Variants in CCBE1 observed in about 807,000 individuals in gnomAD.
CCBE1 encodes the protein collagen and calcium-binding EGF domain-containing protein 1.
Under a neutral mutation model 50.0 loss-of-function variants are expected in CCBE1, and 37 were observed. The observed-to-expected ratio is 0.74, with a 90% CI of 0.57 to 0.97. The LOEUF (loss-of-function observed/expected upper bound fraction) is 0.97, where lower values mean the gene tolerates loss of function less well. Among genes scored for constraint, CCBE1 ranks in the 50% least tolerant of loss-of-function variants. The pLI, the probability that CCBE1 is intolerant of heterozygous loss-of-function variation, is 0.00. For missense variants in CCBE1, 538 were observed against 523.8 expected (o/e 1.03, Z -0.26); for synonymous variants, 234 against 203.7 (o/e 1.15, Z -1.27).
intron 2 of CCBE1, among the ~76,000 whole-genome samples, chr18:59,501,107 AG>A (rs1271192335): frequency 2.0e-5 from 3 of 152,222 alleles, no homozygotes; most frequent in Non-Finnish European, 4.4e-5. Context: ...TGTCTAGCAA[AG>A]GATAGCTGCT....
intron 7 of CCBE1, among the ~76,000 whole-genome samples, chr18:59,444,402 T>C (rs79944828): frequency 0.14 from 21,114 of 152,078 alleles, 1,576 homozygotes; most frequent in African/African-American, 0.19. Flanking sequence ...CCTCCTGATA[T>C]GTTTAATTTT....
chr18:59,683,431 C>T (rs983368173), intron 2 of CCBE1, among the ~76,000 whole-genome samples: 19 of 152,198 alleles, frequency 1.2e-4, no homozygotes, highest in Admixed American at 1.2e-3. Context: ...CGGGGTGGCT[C>T]ACGCCTGTAA....
chr18:59,588,395 C>T (rs2053209236), intron 2 of CCBE1, among the ~76,000 whole-genome samples: 1 of 152,040 alleles, frequency 6.6e-6, no homozygotes, highest in South Asian at 2.1e-4. Flanking sequence ...GACCCCATCT[C>T]ATTATAAAGA....
At chr18:59,635,651 T>G (rs568304114) in intron 2 of CCBE1, among the ~76,000 whole-genome samples, 1 of 151,928 alleles carries the variant, frequency 6.6e-6, no homozygotes, top group South Asian at 2.1e-4. Context: ...GACATGAAGG[T>G]GATTGTTCAC....
At chr18:59,497,850 G>T (rs994581536) in intron 2 of CCBE1, among the ~76,000 whole-genome samples, 2 of 152,172 alleles carry the variant, frequency 1.3e-5, no homozygotes, top group Non-Finnish European at 2.9e-5. Context: ...ACAGAGAGGG[G>T]TATCTCCCAG....
chr18:59,545,512 G>C (rs1459781314), intron 2 of CCBE1, among the ~76,000 whole-genome samples: 2 of 152,126 alleles, frequency 1.3e-5, no homozygotes, highest in African/African-American at 2.4e-5. Context: ...TCTTATTATG[G>C]CTTCTAAGTA....
At chr18:59,439,446 G>A in intron 9 of CCBE1, 97 bp downstream of exon 9, 1 of 1,441,816 alleles carries the variant, frequency 6.9e-7, no homozygotes, top group Non-Finnish European at 9.7e-7. Context: ...CAGCCTGGGT[G>A]ACAGAGCAAG....
chr18:59,469,354 G>A (rs1049152623), intron 4 of CCBE1, 119 bp downstream of exon 4: 46 of 1,336,654 alleles, frequency 3.4e-5, no homozygotes, highest in Non-Finnish European at 4.4e-5. Context: ...CTATCCCTAG[G>A]ATAATATCAA....
At chr18:59,609,859 A>ATTATC (rs2053547222) in intron 2 of CCBE1, among the ~76,000 whole-genome samples, 1 of 152,244 alleles carries the variant, frequency 6.6e-6, no homozygotes, top group African/African-American at 2.4e-5. Flanking sequence ...TTGGGTAAGT[A>ATTATC]CCAGGGATAA....
intron 2 of CCBE1, among the ~76,000 whole-genome samples, chr18:59,672,307 G>A (rs1025066740): frequency 1.3e-5 from 2 of 152,168 alleles, no homozygotes; most frequent in African/African-American, 2.4e-5. Context: ...TCCCATTCCT[G>A]TGCACAAGCT....
chr18:59,696,411 G>A, intron 2 of CCBE1: 2 of 1,242,370 alleles, frequency 1.6e-6, no homozygotes, highest in Non-Finnish European at 2.2e-6. Context: ...AGGATCTCAG[G>A]GCACACACCC....
chr18:59,454,509 G>T (rs901586843), intron 6 of CCBE1, among the ~76,000 whole-genome samples: 1 of 152,192 alleles, frequency 6.6e-6, no homozygotes, highest in South Asian at 2.1e-4. Context: ...GCCTCCCAAA[G>T]TGCTAGGATT....
intron 2 of CCBE1, among the ~76,000 whole-genome samples, chr18:59,487,989 A>G (rs1043768825): frequency 1.3e-5 from 2 of 152,242 alleles, no homozygotes; most frequent in African/African-American, 4.8e-5. Flanking sequence ...GTACATACAT[A>G]CAATGGAATG....
At chr18:59,677,036 G>T (rs1227338547) in intron 2 of CCBE1, among the ~76,000 whole-genome samples, 2 of 152,354 alleles carry the variant, frequency 1.3e-5, no homozygotes, top group East Asian at 3.9e-4. Context: ...TATGGATTTT[G>T]TTTCCAGAGT....
intron 5 of CCBE1, among the ~76,000 whole-genome samples, chr18:59,457,690 G>T (rs1911262181): frequency 3.9e-5 from 6 of 152,184 alleles, no homozygotes; most frequent in Admixed American, 2.6e-4. Context: ...ACTTCCTGAA[G>T]GTCACCTAGC....
In CCBE1 at chr18:59,450,887, G is replaced by C. The variant is rs1188150042; in HGVS notation, c.655-2784C>G. ...TAATCCTGGGAAGACCCATTTTATAGAGTAGCAGAGGAAACCACACATTAT... is the reference window on the plus strand; with the variant it reads ...TAATCCTGGGAAGACCCATTTTATACAGTAGCAGAGGAAACCACACATTAT... On this transcript the variant is annotated intron_variant, in intron 6 of 10. Transcript: ENST00000439986. Among the ~76,000 whole-genome samples, 4 of 152,146 alleles carry C rather than the reference G, an allele frequency of 2.6e-5. No homozygotes were observed. In the East Asian group the frequency reaches 7.7e-4, roughly 29 times the overall value.
intron 2 of CCBE1, among the ~76,000 whole-genome samples, chr18:59,598,613 T>C (rs2053388433): frequency 6.6e-6 from 1 of 152,182 alleles, no homozygotes; most frequent in African/African-American, 2.4e-5. Flanking sequence ...CCCGTTTTCT[T>C]TGAAGAGTCA....
intron 2 of CCBE1, among the ~76,000 whole-genome samples, chr18:59,621,358 T>A (rs968275969): frequency 6.6e-6 from 1 of 152,164 alleles, no homozygotes; most frequent in Non-Finnish European, 1.5e-5. Flanking sequence ...ATCACACTCA[T>A]CTTTCTAGGT....
intron 2 of CCBE1, among the ~76,000 whole-genome samples, chr18:59,588,340 T>C (rs1158906295): frequency 1.3e-5 from 2 of 152,250 alleles, no homozygotes; most frequent in East Asian, 1.9e-4. Flanking sequence ...AATGCGAGGA[T>C]TGCTTGAGTC....
Sources: allele counts gnomAD v4.1 joint callset (sites outside exome capture counted in the v4.1 genomes callset), GRCh38; gene constraint gnomAD v4.1.1; transcripts MANE v1.5; gene names NCBI Gene and HGNC (gene_info 2026-07-23, HGNC 2026-07-21).